LRP1B: variants seen among roughly 807,000 people sequenced by gnomAD.
The protein encoded by LRP1B is low-density lipoprotein receptor-related protein 1B.
Under a neutral mutation model 556.6 loss-of-function variants are expected in LRP1B, and 217 were observed. That is an observed-to-expected ratio of 0.39 (90% CI 0.35 to 0.44). The LOEUF (loss-of-function observed/expected upper bound fraction) is 0.44, where lower values mean the gene tolerates loss of function less well. Ranked by LOEUF, LRP1B falls within the 20% of genes least tolerant of loss-of-function variation. LRP1B has a pLI of 1.00. For missense variants in LRP1B, 5,053 were observed against 5,620.8 expected, an observed-to-expected ratio of 0.90 and a Z score of 3.23; for synonymous variants, 2,047 against 1,865.8, an observed-to-expected ratio of 1.10 and a Z score of -2.50.
At chr2:141,159,735 A>T (rs1185461008) in intron 7 of LRP1B, among the ~76,000 whole-genome samples, 3 of 152,216 alleles carry the variant, frequency 2.0e-5, no homozygotes, top group African/African-American at 7.2e-5. Flanking sequence ...GGAAATCAAG[A>T]AGGCAAAAGA....
rs2105428029 is a variant in LRP1B at position 140,702,138 on chromosome 2, T to C, written c.6302+3A>G. On this transcript the variant is annotated splice_donor_region_variant and intron_variant, in intron 39 of 90. Coordinates refer to ENST00000389484, the MANE Select transcript of LRP1B (RefSeq NM_018557.3). Reference sequence around the variant, plus strand: ...CTCAAATACTTATGAAAAAATAAATTACCTGTCAGACCAGTAGATGTAAGC... The same window carrying C: ...CTCAAATACTTATGAAAAAATAAATCACCTGTCAGACCAGTAGATGTAAGC... 1 of 1,611,014 alleles carries C rather than the reference T, an allele frequency of 6.2e-7. No homozygotes were observed. Among genetic ancestry groups the C allele is most frequent in the Non-Finnish European group, 8.5e-7 (1 of 1,178,894 alleles).
At chr2:140,283,783 A>G (rs1683015161) in intron 84 of LRP1B, among the ~76,000 whole-genome samples, 1 of 151,826 alleles carries the variant, frequency 6.6e-6, no homozygotes, top group African/African-American at 2.4e-5. Flanking sequence ...TTTTAATGAG[A>G]CAAACTTATA....
chr2:140,353,750 C>T (rs1004116518), intron 75 of LRP1B, among the ~76,000 whole-genome samples: 4 of 152,008 alleles, frequency 2.6e-5, no homozygotes, highest in Non-Finnish European at 5.9e-5. Flanking sequence ...TATTCATATT[C>T]CCTTGAGGAC....
At chr2:140,980,530 T>C (rs984139797) in intron 18 of LRP1B, among the ~76,000 whole-genome samples, 5 of 152,200 alleles carry the variant, frequency 3.3e-5, no homozygotes, top group Non-Finnish European at 5.9e-5. Flanking sequence ...ACTATGTCAA[T>C]TACCACCACT....
chr2:141,560,038 T>C (rs1164089422), intron 2 of LRP1B, among the ~76,000 whole-genome samples: 4 of 151,730 alleles, frequency 2.6e-5, no homozygotes, highest in African/African-American at 7.2e-5. Flanking sequence ...CTTCTGGTTA[T>C]ACCACCTGCC....
chr2:140,834,359 C>T (rs1013164020), intron 31 of LRP1B, among the ~76,000 whole-genome samples: 1 of 152,170 alleles, frequency 6.6e-6, no homozygotes, highest in African/African-American at 2.4e-5. Flanking sequence ...CCTGCCTCAG[C>T]CTCTCGAGTA....
intron 3 of LRP1B, among the ~76,000 whole-genome samples, chr2:141,360,164 A>C (rs2105562555): frequency 6.6e-6 from 1 of 152,326 alleles, no homozygotes; most frequent in African/African-American, 2.4e-5. Flanking sequence ...CAGCCGTAAT[A>C]GGCAAGGATT....
intron 35 of LRP1B, among the ~76,000 whole-genome samples, chr2:140,765,057 G>T (rs1449353964): frequency 6.6e-6 from 1 of 151,980 alleles, no homozygotes; most frequent in African/African-American, 2.4e-5. Context: ...TCAAACTCCT[G>T]GCCTCAAGTG....
chr2:141,687,932 T>G (rs900493438), intron 2 of LRP1B, among the ~76,000 whole-genome samples: 3 of 145,826 alleles, frequency 2.1e-5, no homozygotes, highest in African/African-American at 7.6e-5. Context: ...GGGCAAGTTC[T>G]CTATAAAAAC....
intron 77 of LRP1B, among the ~76,000 whole-genome samples, chr2:140,340,066 GA>G (rs1681296064): frequency 6.6e-6 from 1 of 151,210 alleles, no homozygotes; most frequent in African/African-American, 2.4e-5. Context: ...TAATATATGT[GA>G]TTTTGTTACT....
chr2:141,542,880 T>C (rs1425578562), intron 2 of LRP1B, among the ~76,000 whole-genome samples: 2 of 152,102 alleles, frequency 1.3e-5, no homozygotes, highest in South Asian at 2.1e-4. Flanking sequence ...AGAACTTACA[T>C]AGAAAAGGTT....
chr2:140,535,699 T>C (rs1690922301), intron 46 of LRP1B, among the ~76,000 whole-genome samples: 1 of 152,102 alleles, frequency 6.6e-6, no homozygotes, highest in Non-Finnish European at 1.5e-5. Flanking sequence ...AAAATCTGGA[T>C]CAAATATACA....
intron 49 of LRP1B, among the ~76,000 whole-genome samples, chr2:140,521,657 C>T (rs963410277): frequency 1.3e-5 from 2 of 151,988 alleles, no homozygotes; most frequent in African/African-American, 4.8e-5. Flanking sequence ...GCTAACAACA[C>T]TACAACAAGA....
intron 35 of LRP1B, among the ~76,000 whole-genome samples, chr2:140,738,459 T>C (rs1363412074): frequency 6.6e-6 from 1 of 152,070 alleles, no homozygotes; most frequent in Non-Finnish European, 1.5e-5. Context: ...AATTTCTGAA[T>C]GGGGAGAGCG....
chr2:140,309,277 C>T (rs545870677), intron 83 of LRP1B, among the ~76,000 whole-genome samples: 5 of 151,896 alleles, frequency 3.3e-5, no homozygotes, highest in South Asian at 2.1e-4. Flanking sequence ...CTCCCAGGTA[C>T]TTCTTAATAT....
intron 86 of LRP1B, among the ~76,000 whole-genome samples, chr2:140,255,452 T>G (rs1232371941): frequency 6.6e-6 from 1 of 152,198 alleles, no homozygotes; most frequent in Non-Finnish European, 1.5e-5. Flanking sequence ...ACAACACAAA[T>G]ATACTATATT....
At chr2:140,989,714 T>G in intron 16 of LRP1B, 57 bp from the exon 17 acceptor site, 1 of 1,567,970 alleles carries the variant, frequency 6.4e-7, no homozygotes, top group East Asian at 2.3e-5. Flanking sequence ...GTTGTGAATA[T>G]TTTGAATGAT....
intron 7 of LRP1B, among the ~76,000 whole-genome samples, chr2:141,131,426 T>TATATATATATATATATATATAC (rs1701352755): frequency 6.8e-6 from 1 of 146,984 alleles, no homozygotes; most frequent in Non-Finnish European, 1.5e-5. Flanking sequence ...TATATATATA[T>TATATATATATATATATATATAC]ATATTTGCTC....
chr2:140,594,261 C>G (rs558380163), intron 43 of LRP1B, among the ~76,000 whole-genome samples: 5 of 152,244 alleles, frequency 3.3e-5, no homozygotes, highest in Non-Finnish European at 7.4e-5. Context: ...TGAGCCACCG[C>G]GCCTGGCCCA....
Sources: gnomAD v4.1 joint callset for allele counts (sites outside exome capture counted in the v4.1 genomes callset) on GRCh38, gnomAD v4.1.1 for gene constraint, MANE v1.5 for transcripts, NCBI Gene and HGNC (gene_info 2026-07-23, HGNC 2026-07-21) for gene names.